Variants in TMC1 observed in about 807,000 individuals in gnomAD.
TMC1 encodes transmembrane channel-like protein 1.
A neutral mutation model predicts 105.8 loss-of-function variants in TMC1; 84 were observed. That is an observed-to-expected ratio of 0.79 (90% confidence interval 0.67 to 0.95). The LOEUF is 0.95. Ranked by LOEUF, TMC1 falls within the 40% of genes least tolerant of loss-of-function variation. The probability of loss-of-function intolerance (pLI) is 0.00; values close to 1 mark genes in which losing one functional copy is unlikely to be tolerated. For missense variants in TMC1, 817 were observed against 914.1 expected (o/e 0.89, Z 1.37); for synonymous variants, 315 against 311.5 (o/e 1.01, Z -0.12).
chr9:72,556,260 G>C (rs1823939054), intron 1 of TMC1, among the ~76,000 whole-genome samples: 1 of 151,472 alleles, frequency 6.6e-6, no homozygotes, highest in African/African-American at 2.4e-5. Flanking sequence ...GGGATTACAG[G>C]AACCTGCCAT....
At chr9:72,788,996 G>GT in intron 14 of TMC1, 127 bp from the exon 15 acceptor site, 2 of 939,754 alleles carry the variant, frequency 2.1e-6, no homozygotes, top group Non-Finnish European at 3.3e-6. Context: ...CTCAGATTTA[G>GT]TTTACATTGT....
intron 3 of TMC1, among the ~76,000 whole-genome samples, chr9:72,627,005 T>G (rs1462172076): frequency 1.3e-5 from 2 of 151,434 alleles, no homozygotes; most frequent in Non-Finnish European, 2.9e-5. Context: ...TAGTTTTGAG[T>G]CATAAATGTA....
intron 1 of TMC1, among the ~76,000 whole-genome samples, chr9:72,563,743 A>G (rs1309782509): frequency 2.6e-5 from 4 of 151,634 alleles, no homozygotes; most frequent in African/African-American, 9.7e-5. Flanking sequence ...TACTAAAAAT[A>G]AAAAAAATTA....
At chr9:72,797,676 T>C (rs2118214163) in intron 17 of TMC1, among the ~76,000 whole-genome samples, 1 of 152,258 alleles carries the variant, frequency 6.6e-6, no homozygotes, top group Non-Finnish European at 1.5e-5. Flanking sequence ...TGCAGAAAAT[T>C]GAAACTGGAC....
chr9:72,534,302 A>G (rs1823543241), intron 1 of TMC1, among the ~76,000 whole-genome samples: 1 of 152,012 alleles, frequency 6.6e-6, no homozygotes, highest in African/African-American at 2.4e-5. Flanking sequence ...TCAACTGACT[A>G]TGGTTGTGGG....
intron 2 of TMC1, chr9:72,578,262 A>ACGCG (rs1348134415): frequency 8.6e-6 from 1 of 116,624 alleles, no homozygotes; most frequent in Non-Finnish European, 1.9e-5. Flanking sequence ...GCACGCGCGC[A>ACGCG]CGCGTGTGTG....
chr9:72,636,707 CAAA>C (rs59553107), intron 4 of TMC1, among the ~76,000 whole-genome samples: 20 of 83,262 alleles, frequency 2.4e-4, no homozygotes, highest in Admixed American at 3.0e-4. Flanking sequence ...GACTCCATCT[CAAA>C]AAAAAAAAAA....
intron 23 of TMC1, among the ~76,000 whole-genome samples, chr9:72,834,832 G>A (rs534571959): frequency 3.9e-5 from 6 of 152,140 alleles, no homozygotes; most frequent in African/African-American, 7.2e-5. Context: ...CTGCTGTTTC[G>A]TTTTTTAATA....
At chr9:72,638,072 C>T (rs1825564226) in intron 4 of TMC1, among the ~76,000 whole-genome samples, 1 of 151,676 alleles carries the variant, frequency 6.6e-6, no homozygotes, top group African/African-American at 2.4e-5. Flanking sequence ...TGCCTCCCAC[C>T]ACCACCCCCT....
intron 17 of TMC1, among the ~76,000 whole-genome samples, chr9:72,793,094 C>A (rs909814540): frequency 6.6e-6 from 1 of 152,170 alleles, no homozygotes; most frequent in Non-Finnish European, 1.5e-5. Context: ...CAGTCCGACA[C>A]ACAGAGCTAT....
chr9:72,766,309 C>T (rs563916325), intron 12 of TMC1, among the ~76,000 whole-genome samples: 8 of 151,198 alleles, frequency 5.3e-5, no homozygotes, highest in African/African-American at 1.9e-4. Flanking sequence ...CCCAGCTACT[C>T]GGGAGGCTGA....
chr9:72,618,716 C>T (rs1292445999), intron 3 of TMC1, among the ~76,000 whole-genome samples: 1 of 151,882 alleles, frequency 6.6e-6, no homozygotes, highest in Non-Finnish European at 1.5e-5. Flanking sequence ...CATGTTTATG[C>T]TTATCATAAC....
At chr9:72,579,909 A>G (rs987477123) in intron 2 of TMC1, among the ~76,000 whole-genome samples, 2 of 152,012 alleles carry the variant, frequency 1.3e-5, no homozygotes, top group Admixed American at 1.3e-4. Flanking sequence ...AAATAAATAA[A>G]TAGATAAAAA....
At chr9:72,585,818 A>T (rs556259435) in intron 2 of TMC1, among the ~76,000 whole-genome samples, 5 of 152,236 alleles carry the variant, frequency 3.3e-5, no homozygotes, top group African/African-American at 1.2e-4. Context: ...TTGTGTAGGA[A>T]TGGAGAGGTG....
In TMC1 at chr9:72,702,389, G is replaced by A. The variant is rs900636324; in HGVS notation, c.362+1746G>A. ...CTCAGATCTTCCATTTAATAGCTGT[G>A]CACATTTGATCGAGTTGTGTAGTCT... On this transcript the variant is annotated intron_variant, in intron 8 of 23. Transcript: ENST00000297784. 2.6e-5 allele frequency among the ~76,000 whole-genome samples: 4 copies of A among 152,148 alleles called. No homozygotes were observed. The East Asian group carries it at 7.7e-4, about 29-fold the overall frequency.
chr9:72,631,178 C>T (rs1235573306), intron 4 of TMC1, among the ~76,000 whole-genome samples: 1 of 152,072 alleles, frequency 6.6e-6, no homozygotes, highest in Non-Finnish European at 1.5e-5. Context: ...ACACCCGGCC[C>T]ATTTTTCACA....
At chr9:72,697,529 G>T (rs908012418) in intron 7 of TMC1, among the ~76,000 whole-genome samples, 1 of 152,092 alleles carries the variant, frequency 6.6e-6, no homozygotes, top group African/African-American at 2.4e-5. Context: ...GATTTTTAAA[G>T]GACTTGAAAT....
rs1452274974 is a variant in TMC1 at position 72,748,561 on chromosome 9, A to C, written c.536-3289A>C. Among the ~76,000 whole-genome samples, 3 of 152,182 alleles carry C rather than the reference A, an allele frequency of 2.0e-5. No individual in the cohort carries two copies. In the East Asian group the frequency reaches 5.8e-4, roughly 29 times the overall value. On this transcript the variant is annotated intron_variant, in intron 10 of 23. Coordinates refer to ENST00000297784, the MANE Select transcript of TMC1 (RefSeq NM_138691.3). ...ATTATTACTCATTTTGCTTCCTTACACTGAGAGATTAAGTATGTTAAAATT... is the reference window on the plus strand; with the variant it reads ...ATTATTACTCATTTTGCTTCCTTACCCTGAGAGATTAAGTATGTTAAAATT...
chr9:72,582,914 A>G (rs1426458198), intron 2 of TMC1, among the ~76,000 whole-genome samples: 1 of 152,122 alleles, frequency 6.6e-6, no homozygotes, highest in Non-Finnish European at 1.5e-5. Context: ...AAATGTTTTC[A>G]TTGTCATTAC....
Sources: gnomAD v4.1 joint callset for allele counts (sites outside exome capture counted in the v4.1 genomes callset) on GRCh38, gnomAD v4.1.1 for gene constraint, MANE v1.5 for transcripts, NCBI Gene and HGNC (gene_info 2026-07-23, HGNC 2026-07-21) for gene names.